The following ULK4 variants were observed in gnomAD, a reference collection of about 807,000 sequenced individuals.
ULK4 encodes the protein unc-51 like kinase 4, also known as inactive serine/threonine-protein kinase ULK4.
In ULK4, 133 loss-of-function variants were observed where a neutral mutation model predicts 160.6. That is an observed-to-expected ratio of 0.83 (90% CI 0.72 to 0.96). ULK4 has a LOEUF of 0.96. Among genes scored for constraint, ULK4 ranks in the 40% least tolerant of loss-of-function variants. The pLI, the probability that ULK4 is intolerant of heterozygous loss-of-function variation, is 0.00. For missense variants in ULK4, 1,580 were observed against 1,499.5 expected (o/e 1.05, Z -0.89); for synonymous variants, 534 against 539.8 (o/e 0.99, Z 0.15).
chr3:41,836,096 T>C, intron 17 of ULK4, 125 bp from the exon 18 acceptor site: 1 of 626,140 alleles, frequency 1.6e-6, no homozygotes, highest in Non-Finnish European at 2.8e-6. Flanking sequence ...CCAAATTATT[T>C]TCAAAATATG....
At chr3:41,401,193 CA>C (rs1156705945) in intron 34 of ULK4, among the ~76,000 whole-genome samples, 4 of 152,104 alleles carry the variant, frequency 2.6e-5, no homozygotes, top group African/African-American at 2.4e-5. Context: ...GTGGCAAGAA[CA>C]AAAAACTCTT....
intron 29 of ULK4, among the ~76,000 whole-genome samples, chr3:41,666,596 C>G (rs996240789): frequency 6.6e-6 from 1 of 152,102 alleles, no homozygotes; most frequent in African/African-American, 2.4e-5. Flanking sequence ...CTGATGAGTC[C>G]TTCGTGTACC....
intron 32 of ULK4, among the ~76,000 whole-genome samples, chr3:41,533,943 G>A (rs1479998054): frequency 6.6e-6 from 1 of 152,128 alleles, no homozygotes; most frequent in African/African-American, 2.4e-5. Flanking sequence ...GAGTAGCTGG[G>A]ATTACAGGCG....
intron 32 of ULK4, among the ~76,000 whole-genome samples, chr3:41,486,368 A>G (rs1019611776): frequency 2.6e-5 from 4 of 152,288 alleles, no homozygotes; most frequent in Non-Finnish European, 5.9e-5. Flanking sequence ...ATCAATGAAC[A>G]TTAAAGTGTG....
chr3:41,377,616 T>A (rs879771704), intron 35 of ULK4, among the ~76,000 whole-genome samples: 1 of 144,432 alleles, frequency 6.9e-6, no homozygotes, highest in Non-Finnish European at 1.5e-5. Flanking sequence ...AAAAAACACA[T>A]GAAAAAATGC....
chr3:41,602,250 AAAAAGGAAAG>A (rs2032116359), intron 31 of ULK4, among the ~76,000 whole-genome samples: 1 of 122,092 alleles, frequency 8.2e-6, no homozygotes, highest in African/African-American at 3.3e-5. Context: ...GAAGGAAGAG[AAAAAGGAAAG>A]GAAAGGAAAG....
intron 17 of ULK4, chr3:41,859,665 T>G: frequency 4.8e-6 from 2 of 412,998 alleles, no homozygotes; most frequent in Middle Eastern, 8.9e-4. Flanking sequence ...TTGTTTGTTT[T>G]GTTTGTTTTT....
intron 22 of ULK4, among the ~76,000 whole-genome samples, chr3:41,731,220 A>T (rs992523908): frequency 2.0e-5 from 3 of 152,046 alleles, no homozygotes; most frequent in Non-Finnish European, 4.4e-5. Context: ...AAGAAAAAAA[A>T]AGGGACTCCA....
chr3:41,647,579 C>T (rs1027512970), intron 30 of ULK4, among the ~76,000 whole-genome samples: 1 of 152,140 alleles, frequency 6.6e-6, no homozygotes, highest in Non-Finnish European at 1.5e-5. Flanking sequence ...AGTACTGGGC[C>T]GTGTGAGGTG....
intron 27 of ULK4, among the ~76,000 whole-genome samples, chr3:41,689,366 C>A (rs912375998): frequency 6.6e-6 from 1 of 152,134 alleles, no homozygotes; most frequent in Non-Finnish European, 1.5e-5. Flanking sequence ...TATTGAGAGT[C>A]TGGAGTAATG....
chr3:41,363,934 T>C (rs1276015605), intron 35 of ULK4, among the ~76,000 whole-genome samples: 1 of 150,370 alleles, frequency 6.7e-6, no homozygotes, highest in Non-Finnish European at 1.5e-5. Flanking sequence ...TTCTCTCTCT[T>C]TTTTTTTTTC....
intron 35 of ULK4, among the ~76,000 whole-genome samples, chr3:41,387,426 G>C (rs905318473): frequency 2.0e-5 from 3 of 151,898 alleles, no homozygotes; most frequent in Admixed American, 6.6e-5. Context: ...ACAATGTGCA[G>C]GATAGTTACA....
intron 16 of ULK4, among the ~76,000 whole-genome samples, chr3:41,890,717 G>GA (rs1697900436): frequency 1.0e-5 from 1 of 95,638 alleles, no homozygotes; most frequent in Non-Finnish European, 2.0e-5. Flanking sequence ...GAAGGGACAG[G>GA]AGGGACGGGA....
At chr3:41,753,961 A>G (rs1490018000) in intron 22 of ULK4, among the ~76,000 whole-genome samples, 1 of 152,222 alleles carries the variant, frequency 6.6e-6, no homozygotes, top group Admixed American at 6.5e-5. Flanking sequence ...CAGCATGGGA[A>G]ATGCCAGACA....
intron 22 of ULK4, among the ~76,000 whole-genome samples, chr3:41,751,216 G>A (rs554130068): frequency 6.6e-6 from 1 of 152,322 alleles, no homozygotes; most frequent in East Asian, 1.9e-4. Flanking sequence ...TCAAGGGCAG[G>A]AAGGTGGTGT....
intron 19 of ULK4, among the ~76,000 whole-genome samples, chr3:41,812,550 G>A (rs1324904617): frequency 1.3e-5 from 2 of 152,186 alleles, no homozygotes; most frequent in African/African-American, 4.8e-5. Context: ...GAGATCTTGA[G>A]CTGGGAATCA....
chr3:41,496,299 C>T (rs1188449531), intron 32 of ULK4, among the ~76,000 whole-genome samples: 3 of 151,972 alleles, frequency 2.0e-5, no homozygotes, highest in East Asian at 1.9e-4. Context: ...ACAACTAGTA[C>T]CAAACTAGTC....
intron 21 of ULK4, among the ~76,000 whole-genome samples, chr3:41,754,833 G>A (rs1222308159): frequency 6.6e-6 from 1 of 152,180 alleles, no homozygotes; most frequent in Non-Finnish European, 1.5e-5. Context: ...AACTGGAAAT[G>A]TGGCAGCAAA....
intron 32 of ULK4, among the ~76,000 whole-genome samples, chr3:41,549,157 C>T (rs192851890): frequency 6.6e-6 from 1 of 152,224 alleles, no homozygotes; most frequent in East Asian, 1.9e-4. Flanking sequence ...AAACATGACA[C>T]CACCAAAGGA....
Sources: gnomAD v4.1 joint callset for allele counts (sites outside exome capture counted in the v4.1 genomes callset) on GRCh38, gnomAD v4.1.1 for gene constraint, MANE v1.5 for transcripts, NCBI Gene and HGNC (gene_info 2026-07-23, HGNC 2026-07-21) for gene names.